Variants in FOXJ3 observed in about 807,000 individuals in gnomAD.
FOXJ3 encodes forkhead box J3.
Under a neutral mutation model 76.1 loss-of-function variants are expected in FOXJ3, and 22 were observed. The observed-to-expected ratio is 0.29, with a 90% CI of 0.21 to 0.41. The LOEUF is 0.41. Ranked by LOEUF, FOXJ3 falls within the 10% of genes least tolerant of loss-of-function variation. The probability of loss-of-function intolerance (pLI) is 1.00; values close to 1 mark genes in which losing one functional copy is unlikely to be tolerated. For missense variants in FOXJ3, 613 were observed against 762.1 expected, an observed-to-expected ratio of 0.80 and a Z score of 2.30; for synonymous variants, 269 against 261.2, an observed-to-expected ratio of 1.03 and a Z score of -0.29.
intron 4 of FOXJ3, among the ~76,000 whole-genome samples, chr1:42,254,773 A>G (rs1404752893): frequency 1.4e-5 from 2 of 146,630 alleles, no homozygotes; most frequent in Non-Finnish European, 3.0e-5. Flanking sequence ...ATGAGAGCAC[A>G]TGGACACAGG....
chr1:42,304,612 C>T (rs1654350307), intron 2 of FOXJ3, among the ~76,000 whole-genome samples: 1 of 152,114 alleles, frequency 6.6e-6, no homozygotes, highest in Admixed American at 6.5e-5. Flanking sequence ...ACAGTGAACT[C>T]ATTTTTGTCA....
chr1:42,207,281 G>A (rs929505870), intron 5 of FOXJ3, among the ~76,000 whole-genome samples: 3 of 152,022 alleles, frequency 2.0e-5, no homozygotes, highest in African/African-American at 4.8e-5. Flanking sequence ...GTGAGAATAC[G>A]CAATATTTGT....
chr1:42,236,264 C>A (rs1009336537), intron 4 of FOXJ3, among the ~76,000 whole-genome samples: 1 of 152,220 alleles, frequency 6.6e-6, no homozygotes, highest in African/African-American at 2.4e-5. Flanking sequence ...AATCATAGAT[C>A]AATGCAACCT....
intron 3 of FOXJ3, among the ~76,000 whole-genome samples, chr1:42,277,796 CAAAAAAAAAAA>C (rs889209417): frequency 9.8e-4 from 2 of 2,036 alleles, no homozygotes; most frequent in Non-Finnish European, 3.3e-3. Context: ...GACTCCGTCT[CAAAAAAAAAAA>C]AAAAAAAAAA....
intron 6 of FOXJ3, among the ~76,000 whole-genome samples, chr1:42,203,551 G>A (rs1646802866): frequency 6.6e-6 from 1 of 152,078 alleles, no homozygotes; most frequent in Non-Finnish European, 1.5e-5. Context: ...TATTACCATG[G>A]CTCTCTCCTC....
intron 6 of FOXJ3, among the ~76,000 whole-genome samples, chr1:42,203,769 A>G (rs1646807284): frequency 6.6e-6 from 1 of 151,914 alleles, no homozygotes; most frequent in Admixed American, 6.5e-5. Context: ...GCCAAGGCGG[A>G]CAGATCACCT....
At chr1:42,216,049 A>T (rs1052864792) in intron 5 of FOXJ3, among the ~76,000 whole-genome samples, 8 of 152,286 alleles carry the variant, frequency 5.3e-5, no homozygotes, top group Non-Finnish European at 8.8e-5. Context: ...AAAATTTTTT[A>T]AAAATGAAGG....
In FOXJ3 at chr1:42,284,291, T is replaced by C. The variant is rs1652913335; in HGVS notation, c.45-5619A>G. On this transcript the variant is annotated intron_variant, in intron 2 of 12. Coordinates refer to ENST00000361346, the MANE Select transcript of FOXJ3 (RefSeq NM_014947.5). ...GGTTGGAAAGCTGATTACAAAGAATTTGGTCGAACTGTTATCTGTGGAATT... is the reference window on the plus strand; with the variant it reads ...GGTTGGAAAGCTGATTACAAAGAATCTGGTCGAACTGTTATCTGTGGAATT... Among the ~76,000 whole-genome samples, 3 of 152,180 alleles carry C rather than the reference T, an allele frequency of 2.0e-5. 1 individual carries two copies. The South Asian group carries it at 6.2e-4, about 32-fold the overall frequency.
intron 4 of FOXJ3, among the ~76,000 whole-genome samples, chr1:42,230,460 G>C (rs1487821012): frequency 2.0e-5 from 3 of 152,168 alleles, no homozygotes; most frequent in Non-Finnish European, 2.9e-5. Flanking sequence ...GAGAGATCCT[G>C]TGGATGGGAC....
At chr1:42,250,986 C>A (rs920059448) in intron 4 of FOXJ3, among the ~76,000 whole-genome samples, 1 of 151,570 alleles carries the variant, frequency 6.6e-6, no homozygotes, top group Non-Finnish European at 1.5e-5. Flanking sequence ...ATAACTGACC[C>A]TAAAAGAAAA....
chr1:42,296,316 G>C (rs549167383), intron 2 of FOXJ3, among the ~76,000 whole-genome samples: 1 of 152,252 alleles, frequency 6.6e-6, no homozygotes, highest in Admixed American at 6.5e-5. Flanking sequence ...TTGCTGTGAA[G>C]CTTTAGTTTA....
intron 4 of FOXJ3, among the ~76,000 whole-genome samples, chr1:42,246,725 A>G (rs974443020): frequency 3.3e-5 from 5 of 152,194 alleles, no homozygotes; most frequent in African/African-American, 1.2e-4. Flanking sequence ...ATTATATCAA[A>G]GGGATACCTG....
At chr1:42,189,053 AT>A in intron 10 of FOXJ3, 125 bp from the exon 11 acceptor site, 1 of 635,796 alleles carries the variant, frequency 1.6e-6, no homozygotes, top group South Asian at 2.2e-5. Flanking sequence ...GTAGTGATTT[AT>A]CCACGCAATG....
At chr1:42,220,160 A>G (rs1183184978) in intron 5 of FOXJ3, among the ~76,000 whole-genome samples, 2 of 152,220 alleles carry the variant, frequency 1.3e-5, no homozygotes, top group African/African-American at 4.8e-5. Context: ...CTTCTTCCAT[A>G]AAAGTGTTGA....
chr1:42,258,269 T>C (rs1027274788), intron 4 of FOXJ3, among the ~76,000 whole-genome samples: 2 of 152,232 alleles, frequency 1.3e-5, no homozygotes, highest in African/African-American at 4.8e-5. Context: ...AAAGATTTGT[T>C]TGCCTTGTTT....
At chr1:42,299,582 C>G (rs1326492394) in intron 2 of FOXJ3, among the ~76,000 whole-genome samples, 1 of 148,602 alleles carries the variant, frequency 6.7e-6, no homozygotes, top group Admixed American at 6.8e-5. Context: ...ATGTTTTAAG[C>G]GGAGCATTTA....
At chr1:42,214,520 G>C (rs1172098277) in intron 5 of FOXJ3, among the ~76,000 whole-genome samples, 2 of 152,130 alleles carry the variant, frequency 1.3e-5, no homozygotes, top group Non-Finnish European at 2.9e-5. Flanking sequence ...CTTCCTGTTT[G>C]GCAGTGTGAT....
chr1:42,285,230 T>C (rs1231027776), intron 2 of FOXJ3, among the ~76,000 whole-genome samples: 1 of 152,166 alleles, frequency 6.6e-6, no homozygotes, highest in African/African-American at 2.4e-5. Context: ...GTATTAAGCC[T>C]GGCATCCATT....
At chr1:42,304,344 T>C (rs915692846) in intron 2 of FOXJ3, among the ~76,000 whole-genome samples, 35 of 151,822 alleles carry the variant, frequency 2.3e-4, no homozygotes, top group Non-Finnish European at 7.4e-5. Context: ...AAACTAAAGA[T>C]TCAATGCAAT....
Sources: allele counts gnomAD v4.1 joint callset (sites outside exome capture counted in the v4.1 genomes callset), GRCh38; gene constraint gnomAD v4.1.1; transcripts MANE v1.5; gene names NCBI Gene and HGNC (gene_info 2026-07-23, HGNC 2026-07-21).